Variants in ACRV1 observed in about 807,000 individuals in gnomAD.
ACRV1 encodes the protein acrosomal vesicle protein 1.
A neutral mutation model predicts 29.2 loss-of-function variants in ACRV1; 17 were observed. The observed-to-expected ratio is 0.58, with a 90% CI of 0.40 to 0.87. ACRV1 has a LOEUF of 0.87. ACRV1 is among the 40% of genes least tolerant of loss of function. The pLI, the probability that ACRV1 is intolerant of heterozygous loss-of-function variation, is 0.00. For missense variants in ACRV1, 294 were observed against 316.0 expected (o/e 0.93, Z 0.53); for synonymous variants, 98 against 111.6 (o/e 0.88, Z 0.77).
chr11:125,674,179 G>C (rs920014191), intron 3 of ACRV1, among the ~76,000 whole-genome samples: 1 of 152,126 alleles, frequency 6.6e-6, no homozygotes, highest in Non-Finnish European at 1.5e-5. Context: ...AACTATGCTA[G>C]ACTCTGGAGA....
At position 125,672,343 on chromosome 11, in the gene ACRV1, C is replaced by A; in HGVS notation, c.*250G>T. On this transcript the variant is annotated 3_prime_UTR_variant, in exon 4 of 4. Transcript: ENST00000533904. ...CTGTCTTGAGCCTGTGTGCTTTAACCATGTGAAATTTATTGAAAAAAAAAT... is the reference window on the plus strand; with the variant it reads ...CTGTCTTGAGCCTGTGTGCTTTAACAATGTGAAATTTATTGAAAAAAAAAT... 2.3e-6 allele frequency: 1 copy of A among 434,632 alleles called. No individual in the cohort carries two copies. The highest frequency in any genetic ancestry group is 4.1e-6 in the Non-Finnish European group (1 of 245,196). The allele number at this position is 434,632 out of a possible 1,614,324, so 26.9% of individuals were successfully genotyped here.
chr11:125,675,710 T>C (rs1350620870), intron 3 of ACRV1, among the ~76,000 whole-genome samples: 1 of 152,152 alleles, frequency 6.6e-6, no homozygotes, highest in Non-Finnish European at 1.5e-5. Flanking sequence ...ACCATATGCT[T>C]GACATTGTGC....
At chr11:125,678,978 T>TTATATATATATATATATATATATA (rs10522682) in intron 1 of ACRV1, among the ~76,000 whole-genome samples, 3,367 of 86,914 alleles carry the variant, frequency 0.039, 238 homozygotes, top group Admixed American at 0.051. Flanking sequence ...TCTAGGCATA[T>TTATATATATATATATATATATATA]TATATATATA....
In ACRV1 at chr11:125,676,400, G is replaced by A; in HGVS notation, c.632C>T (p.Thr211Ile). The A allele has an allele frequency of 6.2e-7, 1 of 1,614,122 alleles. No individual in the cohort carries two copies. The highest frequency in any genetic ancestry group is 8.5e-7 in the Non-Finnish European group (1 of 1,180,024). The change falls in exon 3 of 4, where the codon ACT becomes ATT. Residue 211 changes from threonine (T) to isoleucine (I), a missense_variant. Transcript: ENST00000533904. ...TAACATGCACTGCTGGGAATTCTGA[G>A]TGATGCAGGTTCCCTCTCCACGAAG... ...KCLRGEGTCI[T>I]QNSQQCMLKK...
intron 1 of ACRV1, among the ~76,000 whole-genome samples, chr11:125,678,978 T>TTATATATGTATATATATATATATA (rs1942655109): frequency 1.1e-5 from 1 of 88,436 alleles, no homozygotes; most frequent in South Asian, 4.5e-4. Flanking sequence ...TCTAGGCATA[T>TTATATATGTATATATATATATATA]TATATATATA....
chr11:125,672,513 G>A lies in ACRV1; in HGVS notation c.*80C>T. 1.3e-6 allele frequency: 2 copies of A among 1,543,500 alleles called. No individual in the cohort carries two copies. Among genetic ancestry groups the A allele is most frequent in the Non-Finnish European group, 1.8e-6 (2 of 1,135,740 alleles). On this transcript the variant is annotated 3_prime_UTR_variant, in exon 4 of 4. Coordinates refer to ENST00000533904, the MANE Select transcript of ACRV1 (RefSeq NM_001612.6). ...ATGTGGTCAGTTGTTGACTGGGGAA[G>A]GAACTAAATATAAAATGAGCCAAAT...
At chr11:125,676,678 C>T (rs1942527012) in intron 2 of ACRV1, among the ~76,000 whole-genome samples, 200 bp from the exon 3 acceptor site, 1 of 152,104 alleles carries the variant, frequency 6.6e-6, no homozygotes, top group Non-Finnish European at 1.5e-5. Flanking sequence ...CTCTGACCCT[C>T]ATTGCTGATG....
At position 125,672,419 on chromosome 11, in the gene ACRV1, A is replaced by G. The variant is rs977407985; in HGVS notation, c.*174T>C. Reference sequence around the variant, plus strand: ...AGCAGGGAAGACAGGACAGAGAAGAATGGATAAAAGCATGAATAGAAGAAG... The same window carrying G: ...AGCAGGGAAGACAGGACAGAGAAGAGTGGATAAAAGCATGAATAGAAGAAG... On this transcript the variant is annotated 3_prime_UTR_variant, in exon 4 of 4. Transcript: ENST00000533904. 4.2e-6 allele frequency: 3 copies of G among 717,012 alleles called. No homozygotes were observed. Among genetic ancestry groups the G allele is most frequent in the Non-Finnish European group, 4.5e-6 (2 of 443,094 alleles). 44.4% of individuals were successfully genotyped at this position (717,012 alleles called of 1,614,324 possible).
intron 3 of ACRV1, among the ~76,000 whole-genome samples, chr11:125,673,524 C>G (rs1045045349): frequency 5.9e-5 from 9 of 152,074 alleles, no homozygotes; most frequent in South Asian, 2.1e-4. Context: ...TTTCTTGATA[C>G]TCTCTGCTTC....
chr11:125,676,202 C>G, intron 3 of ACRV1, 157 bp downstream of exon 3: 1 of 998,242 alleles, frequency 1.0e-6, no homozygotes, highest in Non-Finnish European at 1.4e-6. Flanking sequence ...GCCACCTCGC[C>G]TGGCAAGGGA....
At chr11:125,680,199 G>A (rs1382402900) in intron 1 of ACRV1, among the ~76,000 whole-genome samples, 2 of 152,136 alleles carry the variant, frequency 1.3e-5, no homozygotes, top group Non-Finnish European at 2.9e-5. Flanking sequence ...GAGGCAGGAG[G>A]GAACACAGCA....
intron 1 of ACRV1, among the ~76,000 whole-genome samples, chr11:125,679,365 A>G (rs948405152): frequency 1.3e-5 from 2 of 151,808 alleles, no homozygotes; most frequent in Non-Finnish European, 1.5e-5. Flanking sequence ...TTACAGGTGC[A>G]TGCCACCATA....
intron 3 of ACRV1, among the ~76,000 whole-genome samples, chr11:125,673,432 A>G (rs573126989): frequency 6.6e-6 from 1 of 151,448 alleles, no homozygotes; most frequent in South Asian, 2.1e-4. Context: ...CGATCTCCTG[A>G]CCTTGTGATC....
intron 1 of ACRV1, 67 bp from the exon 2 acceptor site, chr11:125,678,364 A>G: frequency 6.4e-7 from 1 of 1,554,382 alleles, no homozygotes; most frequent in Admixed American, 1.8e-5. Flanking sequence ...CTATCTTCCT[A>G]TGGAGTTAGG....
At chr11:125,679,226 T>G (rs1244347483) in intron 1 of ACRV1, among the ~76,000 whole-genome samples, 1 of 145,664 alleles carries the variant, frequency 6.9e-6, no homozygotes, top group African/African-American at 2.5e-5. Context: ...CTTTTTTTTT[T>G]TTTGTTTCAA....
intron 2 of ACRV1, 26 bp downstream of exon 2, chr11:125,677,771 C>T (rs376077935): frequency 2.9e-5 from 47 of 1,610,766 alleles, no homozygotes; most frequent in Non-Finnish European, 3.8e-5. Context: ...AAGTCAATGA[C>T]TGGCACCCAT....
Position 125,678,015 on chromosome 11 carries a change from T to C in ACRV1, c.335A>G (p.Glu112Gly). Residue 112 changes from glutamate to glycine, a missense_variant, in exon 2 of 4, where the codon GAG (glutamate) becomes GGG (glycine). Coordinates refer to ENST00000533904, the MANE Select transcript of ACRV1 (RefSeq NM_001612.6). The part of the protein sequence containing the change: ...EHAEGEHTVG[E>G]QPSGEQPSGE... ...TGAAGGCTGTTCTCCTGAAGGCTGC[T>C]CACCTACAGTATGCTCACCTTCAGC... 7 of 1,614,132 alleles carry C rather than the reference T, an allele frequency of 4.3e-6. No individual in the cohort carries two copies. The South Asian group carries it at 7.7e-5, about 18-fold the overall frequency.
chr11:125,672,862 TCTGG>T (rs1196569217), intron 3 of ACRV1, 145 bp from the exon 4 acceptor site: 10 of 1,060,672 alleles, frequency 9.4e-6, no homozygotes, highest in Non-Finnish European at 1.2e-5. Context: ...ATTTGCTTCC[TCTGG>T]GAACTTGCCC....
chr11:125,676,924 G>A (rs1591438128), intron 2 of ACRV1, among the ~76,000 whole-genome samples: 1 of 150,564 alleles, frequency 6.6e-6, no homozygotes, highest in South Asian at 2.1e-4. Context: ...TGCAAACCCT[G>A]TGAAGAGTGT....
Sources: allele counts gnomAD v4.1 joint callset (sites outside exome capture counted in the v4.1 genomes callset), GRCh38; gene constraint gnomAD v4.1.1; transcripts MANE v1.5; gene names NCBI Gene and HGNC (gene_info 2026-07-23, HGNC 2026-07-21).